Variants in IL16 observed in about 807,000 individuals in gnomAD.
The protein encoded by IL16 is pro-interleukin-16.
Under a neutral mutation model 110.1 loss-of-function variants are expected in IL16, and 67 were observed. The observed-to-expected ratio is 0.61, with a 90% CI of 0.50 to 0.75. IL16 has a LOEUF of 0.75. Ranked by LOEUF, IL16 falls within the 30% of genes least tolerant of loss-of-function variation. IL16 has a pLI of 0.00. For missense variants in IL16, 1,545 were observed against 1,655.0 expected, an observed-to-expected ratio of 0.93 and a Z score of 1.15; for synonymous variants, 689 against 662.9, an observed-to-expected ratio of 1.04 and a Z score of -0.61.
intron 2 of IL16, among the ~76,000 whole-genome samples, chr15:81,242,668 G>A (rs773226817): frequency 1.3e-5 from 2 of 152,152 alleles, no homozygotes; most frequent in Non-Finnish European, 2.9e-5. Context: ...AACAAGGACA[G>A]TTTTATTTCT....
intron 2 of IL16, among the ~76,000 whole-genome samples, chr15:81,231,363 T>C (rs967787752): frequency 3.1e-4 from 45 of 144,102 alleles, no homozygotes; most frequent in African/African-American, 1.2e-3. Context: ...TCTCTCTCTC[T>C]CTCTCTCTCT....
intron 12 of IL16, among the ~76,000 whole-genome samples, chr15:81,294,011 C>T (rs17875578): frequency 2.0e-5 from 3 of 152,196 alleles, no homozygotes; most frequent in Non-Finnish European, 4.4e-5. Context: ...AGCTGTCTCC[C>T]CCATCACGGA....
At chr15:81,203,020 A>ACACCAT (rs1895877337) in intron 1 of IL16, among the ~76,000 whole-genome samples, 1 of 151,936 alleles carries the variant, frequency 6.6e-6, no homozygotes, top group Non-Finnish European at 1.5e-5. Context: ...CACCATTCTA[A>ACACCAT]CTGGTGTGAG....
chr15:81,227,024 G>C (rs1671131153), intron 2 of IL16, among the ~76,000 whole-genome samples: 1 of 152,076 alleles, frequency 6.6e-6, no homozygotes, highest in African/African-American at 2.4e-5. Context: ...GGCACAGTGG[G>C]GGTCCAGTCT....
chr15:81,259,049 T>TA (rs1191360715), intron 2 of IL16, among the ~76,000 whole-genome samples: 1 of 152,178 alleles, frequency 6.6e-6, no homozygotes, highest in Admixed American at 6.5e-5. Flanking sequence ...ATTTGATTGA[T>TA]ACAGCAAGGT....
At chr15:81,241,945 C>A (rs1439723647) in intron 2 of IL16, among the ~76,000 whole-genome samples, 1 of 148,164 alleles carries the variant, frequency 6.7e-6, no homozygotes. Context: ...AAATGTGAAA[C>A]TTAAACCAAG....
rs190464928 is a variant in IL16 at position 81,239,329 on chromosome 15, T to C, written c.312+13618T>C. On this transcript the variant is annotated intron_variant, in intron 2 of 18. Transcript: ENST00000683961. ...AGCTTTTGTTACAATGGCATTTCAG[T>C]GTTCAGAGCCCTTGCAGTGCTATTC... 2.1e-3 allele frequency among the ~76,000 whole-genome samples: 327 copies of C among 152,338 alleles called. 3 individuals carry two copies. The highest frequency in any genetic ancestry group is 0.018 in the Admixed American group (280 of 15,302).
At chr15:81,191,023 G>C (rs566208230) in intron 1 of IL16, among the ~76,000 whole-genome samples, 1 of 152,346 alleles carries the variant, frequency 6.6e-6, no homozygotes, top group East Asian at 1.9e-4. Flanking sequence ...GAGTTAATCA[G>C]AATCCAACAT....
chr15:81,206,692 T>C (rs1169332231), intron 1 of IL16, among the ~76,000 whole-genome samples: 1 of 152,084 alleles, frequency 6.6e-6, no homozygotes, highest in African/African-American at 2.4e-5. Context: ...ATCTGGGAAA[T>C]TTAACTACAT....
intron 2 of IL16, among the ~76,000 whole-genome samples, chr15:81,231,076 T>C (rs1258375025): frequency 1.3e-5 from 2 of 152,062 alleles, no homozygotes; most frequent in Admixed American, 1.3e-4. Context: ...CAGTGGCTCA[T>C]GCCTGTAATC....
chr15:81,259,307 T>G (rs28418832), intron 2 of IL16, among the ~76,000 whole-genome samples: 41,534 of 152,062 alleles, frequency 0.27, 7,263 homozygotes, highest in African/African-American at 0.5. Context: ...AAACATACCT[T>G]CCAGGCTCCC....
In IL16 at chr15:81,299,586, C is replaced by A; in HGVS notation, c.2260C>A (p.Pro754Thr). 6.2e-7 allele frequency: 1 copy of A among 1,614,206 alleles called. No individual in the cohort carries two copies. Among genetic ancestry groups the A allele is most frequent in the Non-Finnish European group, 8.5e-7 (1 of 1,180,034 alleles). The stretch of plus-strand genomic sequence containing the variant: ...TGAAGAAGAAGGGACACAGGGCCAC[C>A]CAGATGGGACCCCACCAAAGCTGGA... ...LNEEEGTQGH[P>T]DGTPPKLDTA... The change falls in exon 14 of 19, where the codon CCA (proline) becomes ACA (threonine). Residue 754 changes from proline (P) to threonine (T), a missense_variant. Around this residue, in one of 3 missense-constraint regions of IL16, gnomAD observed 1,185 missense variants for 1,238.8 expected, o/e 0.96. Transcript: ENST00000683961.
chr15:81,205,008 G>A (rs1213950139), intron 1 of IL16, among the ~76,000 whole-genome samples: 1 of 151,992 alleles, frequency 6.6e-6, no homozygotes, highest in Non-Finnish European at 1.5e-5. Context: ...TTGAAATAAA[G>A]CAAATGATAA....
intron 10 of IL16, chr15:81,290,013 C>T (rs1444321373): frequency 1.0e-5 from 4 of 385,446 alleles, no homozygotes; most frequent in South Asian, 1.9e-5. Context: ...AGGACTCATA[C>T]TCTTAACTAT....
chr15:81,243,367 TAG>T (rs1445592335), intron 2 of IL16, among the ~76,000 whole-genome samples: 1 of 150,508 alleles, frequency 6.6e-6, no homozygotes, highest in Non-Finnish European at 1.5e-5. Context: ...GTTTTTTTTG[TAG>T]AGAGAGAATT....
chr15:81,296,779 G>A (rs1203536058), intron 12 of IL16, 149 bp from the exon 13 acceptor site: 4 of 699,894 alleles, frequency 5.7e-6, no homozygotes, highest in Non-Finnish European at 9.5e-6. Flanking sequence ...GCACCAAGGA[G>A]AAAAGAATCC....
At chr15:81,216,953 C>T (rs776896659) in intron 1 of IL16, among the ~76,000 whole-genome samples, 64 of 151,754 alleles carry the variant, frequency 4.2e-4, no homozygotes, top group African/African-American at 1.2e-3. Flanking sequence ...CATGTAACCA[C>T]GACATGATAT....
At chr15:81,287,413 T>C (rs578121630) in intron 10 of IL16, among the ~76,000 whole-genome samples, 71 of 152,330 alleles carry the variant, frequency 4.7e-4, no homozygotes, top group Admixed American at 1.5e-3. Flanking sequence ...GAACCCAGGC[T>C]GGAGCTAGAC....
At chr15:81,288,206 C>T (rs1899537957) in intron 10 of IL16, among the ~76,000 whole-genome samples, 1 of 152,138 alleles carries the variant, frequency 6.6e-6, no homozygotes, top group African/African-American at 2.4e-5. Flanking sequence ...AGGCATAGGG[C>T]AGAGAGAAGA....
Sources: gnomAD v4.1 joint callset for allele counts (sites outside exome capture counted in the v4.1 genomes callset) on GRCh38, gnomAD v4.1.1 for gene constraint, gnomAD v4.1.1 regional missense constraint, MANE v1.5 for transcripts, NCBI Gene and HGNC (gene_info 2026-07-23, HGNC 2026-07-21) for gene names.